Variants in FBXL17 observed in about 807,000 individuals in gnomAD.
FBXL17 encodes F-box/LRR-repeat protein 17.
In FBXL17, 22 loss-of-function variants were observed where a neutral mutation model predicts 66.2. The ratio of observed to expected loss-of-function variants is 0.33; its 90% CI spans 0.24 to 0.47. The LOEUF is 0.47. FBXL17 is among the 20% of genes least tolerant of loss of function. The pLI is 1.00. For synonymous variants in FBXL17, 474 were observed against 400.5 expected, an observed-to-expected ratio of 1.18 and a Z score of -2.19; for missense variants, 878 against 948.2, an observed-to-expected ratio of 0.93 and a Z score of 0.97.
chr5:108,203,257 G>T (rs1397461146), intron 5 of FBXL17, among the ~76,000 whole-genome samples: 1 of 151,894 alleles, frequency 6.6e-6, no homozygotes, highest in Non-Finnish European at 1.5e-5. Flanking sequence ...CCTAGAGGCA[G>T]GTAGATGGTA....
In FBXL17 at chr5:108,381,381, T is replaced by TAGCGCCGCGC; in HGVS notation, c.301_310dup (p.Tyr104CysfsTer194). ...GCAGTCCTCGGCGGCCAGGGCCGCG[T>TAGCGCCGCGC]AGCGCCGCGCCAGGTGCTGAGAGGA... On this transcript the variant is annotated frameshift_variant, in exon 1 of 9. Transcript: ENST00000542267. LOFTEE classifies it high-confidence loss of function. 7.5e-7 allele frequency: 1 copy of TAGCGCCGCGC among 1,325,554 alleles called. No homozygotes were observed. The highest frequency in any genetic ancestry group is 9.5e-7 in the Non-Finnish European group (1 of 1,047,262). 82.1% of individuals were successfully genotyped at this position (1,325,554 alleles called of 1,614,324 possible).
At chr5:108,163,532 C>T (rs1024193155) in intron 6 of FBXL17, among the ~76,000 whole-genome samples, 2 of 151,548 alleles carry the variant, frequency 1.3e-5, no homozygotes, top group Non-Finnish European at 2.9e-5. Context: ...TCCCGAGTAG[C>T]GGGGACTACA....
chr5:108,062,739 T>C (rs1439246115), intron 6 of FBXL17, among the ~76,000 whole-genome samples: 2 of 152,150 alleles, frequency 1.3e-5, no homozygotes, highest in East Asian at 3.8e-4. Flanking sequence ...TATGGCTTAT[T>C]TTTCTGTCTT....
At chr5:108,014,410 G>A (rs960477970) in intron 7 of FBXL17, among the ~76,000 whole-genome samples, 7 of 152,168 alleles carry the variant, frequency 4.6e-5, no homozygotes, top group Non-Finnish European at 7.3e-5. Flanking sequence ...ATGAAGGCTA[G>A]AATGTTTCTT....
At chr5:108,262,786 A>G (rs1756892338) in intron 4 of FBXL17, among the ~76,000 whole-genome samples, 1 of 152,188 alleles carries the variant, frequency 6.6e-6, no homozygotes, top group Non-Finnish European at 1.5e-5. Context: ...TTAAAATACA[A>G]TTGTCATGAA....
At chr5:108,043,167 T>C (rs948644563) in intron 6 of FBXL17, among the ~76,000 whole-genome samples, 1 of 152,182 alleles carries the variant, frequency 6.6e-6, no homozygotes, top group African/African-American at 2.4e-5. Flanking sequence ...TCTCCCATTT[T>C]GTAGTTTGCC....
intron 4 of FBXL17, among the ~76,000 whole-genome samples, chr5:108,291,081 A>G (rs1400063837): frequency 6.6e-6 from 1 of 152,216 alleles, no homozygotes; most frequent in African/African-American, 2.4e-5. Context: ...ACCTACACTC[A>G]TGTATATTAT....
chr5:108,151,132 T>TC (rs1280114377), intron 6 of FBXL17, among the ~76,000 whole-genome samples: 2 of 152,162 alleles, frequency 1.3e-5, no homozygotes, highest in East Asian at 3.8e-4. Flanking sequence ...TCTCTTTTTT[T>TC]CCCTAAATCT....
Position 108,380,994 on chromosome 5 carries a change from G to A in FBXL17, c.698C>T (p.Ala233Val). The A allele has an allele frequency of 8.3e-7, 1 of 1,205,624 alleles. No homozygotes were observed. The allele number at this position is 1,205,624 out of a possible 1,614,324, so 74.7% of individuals were successfully genotyped here. A position where few individuals can be genotyped will look rare whatever the true frequency, so the allele number is the denominator to read the frequency against. Residue 233 changes from alanine (A) to valine (V), a missense_variant, in exon 1 of 9, where the codon GCG (alanine) becomes GTG (valine). This residue lies in a region of FBXL17 where 605 missense variants were observed against 509.5 expected (regional missense o/e 1.19). Transcript: ENST00000542267. Reference sequence around the variant, plus strand: ...CCGGGGCGGCGAAGCGCCTCCCCCCGCAGGCCCTCCCCCGCCACCGCCGCC... The same window carrying A: ...CCGGGGCGGCGAAGCGCCTCCCCCCACAGGCCCTCCCCCGCCACCGCCGCC... ...GGGGGGGGGP[A>V]GGGASPPRPP...
intron 1 of FBXL17, among the ~76,000 whole-genome samples, chr5:108,378,656 G>A (rs947258104): frequency 6.6e-6 from 1 of 152,112 alleles, no homozygotes; most frequent in Admixed American, 6.5e-5. Context: ...GTCAGAATAT[G>A]GACATTCCTT....
intron 6 of FBXL17, among the ~76,000 whole-genome samples, chr5:108,161,420 A>C (rs1752213929): frequency 6.6e-6 from 1 of 152,172 alleles, no homozygotes. Flanking sequence ...CGGGAGGCGG[A>C]GGTTGCAGCG....
Position 108,381,455 on chromosome 5 carries a change from C to T in FBXL17, c.237G>A (p.Glu79=). The T allele has an allele frequency of 7.6e-7, 1 of 1,318,128 alleles. No homozygotes were observed. Among genetic ancestry groups the T allele is most frequent in the African/African-American group, 1.5e-5 (1 of 64,938 alleles). The allele number at this position is 1,318,128 out of a possible 1,614,324, so 81.7% of individuals were successfully genotyped here. ...GAPAPAGPEE[E]PPLSPPPRDG... is the part of the protein sequence containing the mutation. The stretch of plus-strand genomic sequence containing the variant: ...CCCGCGGCGGCGGCGAGAGCGGCGG[C>T]TCCTCCTCTGGGCCGGCGGGGGCGG... Residue 79 remains glutamate (E), a synonymous_variant, in exon 1 of 9, where the codon GAG becomes GAA. Transcript: ENST00000542267.
chr5:108,320,169 C>T (rs1476908317), intron 4 of FBXL17, among the ~76,000 whole-genome samples: 1 of 151,594 alleles, frequency 6.6e-6, no homozygotes, highest in African/African-American at 2.4e-5. Context: ...CTTTCCTTAC[C>T]TTTTCTTTTA....
At position 108,380,895 on chromosome 5, in the gene FBXL17, G is replaced by A. The variant is rs778420507; in HGVS notation, c.797C>T (p.Thr266Ile). 11 of 1,236,716 alleles carry A rather than the reference G, an allele frequency of 8.9e-6. No individual in the cohort carries two copies. Among genetic ancestry groups the A allele is most frequent in the South Asian group, 8.2e-5 (2 of 24,356 alleles). 76.6% of individuals were successfully genotyped at this position (1,236,716 alleles called of 1,614,324 possible). A position where few individuals can be genotyped will look rare whatever the true frequency, so the allele number is the denominator to read the frequency against. ...QPLCPPPSSP[T>I]SEGAPTEAGG... The stretch of plus-strand genomic sequence containing the variant: ...AGCTTCGGTGGGGGCACCTTCGGAG[G>A]TGGGAGAAGAGGGCGGAGGGCAGAG... The change falls in exon 1 of 9, where the codon ACC becomes ATC. Residue 266 changes from threonine (T) to isoleucine (I), a missense_variant. Coordinates refer to ENST00000542267, the MANE Select transcript of FBXL17 (RefSeq NM_001163315.3).
intron 6 of FBXL17, among the ~76,000 whole-genome samples, chr5:108,023,956 T>C (rs930858509): frequency 6.6e-6 from 1 of 152,180 alleles, no homozygotes; most frequent in Non-Finnish European, 1.5e-5. Context: ...AGATACTACA[T>C]AGAAGAACAT....
At chr5:108,281,503 T>C (rs1757699841) in intron 4 of FBXL17, among the ~76,000 whole-genome samples, 1 of 151,682 alleles carries the variant, frequency 6.6e-6, no homozygotes, top group South Asian at 2.1e-4. Flanking sequence ...AGAAATACAA[T>C]ATAACAAAAC....
intron 4 of FBXL17, among the ~76,000 whole-genome samples, chr5:108,337,998 C>T (rs1393493901): frequency 1.3e-5 from 2 of 151,630 alleles, no homozygotes; most frequent in South Asian, 2.1e-4. Context: ...GATGAAACTG[C>T]CTACAATTAT....
intron 4 of FBXL17, among the ~76,000 whole-genome samples, chr5:108,346,986 C>A (rs1278618368): frequency 6.6e-6 from 1 of 152,070 alleles, no homozygotes; most frequent in Non-Finnish European, 1.5e-5. Flanking sequence ...TTTTGAAATA[C>A]AACTAAAAAA....
chr5:107,926,809 T>A (rs973873505), intron 7 of FBXL17, among the ~76,000 whole-genome samples: 1 of 152,150 alleles, frequency 6.6e-6, no homozygotes, highest in Non-Finnish European at 1.5e-5. Flanking sequence ...CAGTTACTAA[T>A]GCACATTTTG....
Sources: gnomAD v4.1 joint callset for allele counts (sites outside exome capture counted in the v4.1 genomes callset) on GRCh38, gnomAD v4.1.1 for gene constraint, gnomAD v4.1.1 regional missense constraint, MANE v1.5 for transcripts, NCBI Gene and HGNC (gene_info 2026-07-23, HGNC 2026-07-21) for gene names.